IMMP2L: variants seen among roughly 807,000 people sequenced by gnomAD.
IMMP2L encodes the protein inner mitochondrial membrane peptidase subunit 2.
In IMMP2L, 18 loss-of-function variants were observed where a neutral mutation model predicts 19.3. That is an observed-to-expected ratio of 0.93 (90% confidence interval 0.64 to 1.38). The LOEUF (loss-of-function observed/expected upper bound fraction) is 1.38. IMMP2L is among the 40% of genes most tolerant of loss of function. The probability of loss-of-function intolerance (pLI) is 0.00; values close to 1 mark genes in which losing one functional copy is unlikely to be tolerated. For missense variants in IMMP2L, 233 were observed against 218.2 expected (o/e 1.07, Z -0.43); for synonymous variants, 76 against 73.0 (o/e 1.04, Z -0.21).
chr7:110,963,259 T>A (rs1474897580), intron 4 of IMMP2L, among the ~76,000 whole-genome samples: 1 of 151,984 alleles, frequency 6.6e-6, no homozygotes, highest in Non-Finnish European at 1.5e-5. Flanking sequence ...GACTATATGG[T>A]TAATTTAAAT....
chr7:111,333,699 T>C (rs1343543252), intron 3 of IMMP2L, among the ~76,000 whole-genome samples: 4 of 152,056 alleles, frequency 2.6e-5, no homozygotes, highest in Non-Finnish European at 5.9e-5. Flanking sequence ...GTAGCCAGAA[T>C]AAAAGCAGGC....
At chr7:111,392,057 C>T (rs1300333310) in intron 3 of IMMP2L, 4 of 696,578 alleles carry the variant, frequency 5.7e-6, no homozygotes, top group South Asian at 1.5e-5. Flanking sequence ...AGCTTGATTG[C>T]ATTTATATCC....
At chr7:110,918,989 T>C (rs149028948) in intron 4 of IMMP2L, among the ~76,000 whole-genome samples, 16 of 152,210 alleles carry the variant, frequency 1.1e-4, no homozygotes, top group East Asian at 1.9e-4. Flanking sequence ...CAAAAGATAA[T>C]TGAGTAGATT....
At chr7:110,920,131 T>C (rs2129550367) in intron 4 of IMMP2L, among the ~76,000 whole-genome samples, 1 of 152,282 alleles carries the variant, frequency 6.6e-6, no homozygotes, top group Admixed American at 6.5e-5. Context: ...TTTGAGGTTT[T>C]CGGACTCAGA....
intron 5 of IMMP2L, among the ~76,000 whole-genome samples, chr7:110,717,418 T>C (rs1784661851): frequency 6.6e-6 from 1 of 152,232 alleles, no homozygotes; most frequent in Non-Finnish European, 1.5e-5. Context: ...TGAGCTGAGA[T>C]TGCGCCACTG....
intron 3 of IMMP2L, among the ~76,000 whole-genome samples, chr7:111,212,326 C>G (rs929809155): frequency 1.3e-5 from 2 of 151,764 alleles, no homozygotes. Context: ...ACAATAATTA[C>G]GGCCGGATGC....
At chr7:110,945,201 T>A (rs1036655715) in intron 4 of IMMP2L, among the ~76,000 whole-genome samples, 1 of 151,978 alleles carries the variant, frequency 6.6e-6, no homozygotes, top group Non-Finnish European at 1.5e-5. Context: ...GGGCCGCATC[T>A]GCAGGGCTCC....
intron 5 of IMMP2L, among the ~76,000 whole-genome samples, chr7:110,753,056 C>G (rs1376234683): frequency 6.6e-6 from 1 of 152,054 alleles, no homozygotes; most frequent in Non-Finnish European, 1.5e-5. Flanking sequence ...GGAGTATAAG[C>G]TTTTCCTTTG....
intron 5 of IMMP2L, 35 bp downstream of exon 5, chr7:110,886,558 C>T: frequency 8.5e-7 from 1 of 1,180,336 alleles, no homozygotes; most frequent in Non-Finnish European, 1.3e-6. Context: ...CTTTGAAATC[C>T]AATTACATCA....
intron 5 of IMMP2L, among the ~76,000 whole-genome samples, chr7:110,764,893 A>G: frequency 6.6e-6 from 1 of 152,096 alleles, no homozygotes; most frequent in South Asian, 2.1e-4. Context: ...ATGTTATTAA[A>G]AACATTAAAA....
intron 3 of IMMP2L, among the ~76,000 whole-genome samples, chr7:111,147,789 CACAA>C (rs1803640742): frequency 6.6e-6 from 1 of 152,104 alleles, no homozygotes; most frequent in Non-Finnish European, 1.5e-5. Flanking sequence ...GCAACCAAAA[CACAA>C]ACAATTGTCA....
At chr7:110,923,903 A>G (rs1814562940) in intron 4 of IMMP2L, among the ~76,000 whole-genome samples, 1 of 152,152 alleles carries the variant, frequency 6.6e-6, no homozygotes, top group Non-Finnish European at 1.5e-5. Context: ...GTTATCTCAC[A>G]TTATAGCCTG....
chr7:110,907,578 G>C lies in IMMP2L; in HGVS notation c.306-20883C>G, dbSNP rs182418401. Among the ~76,000 whole-genome samples the C allele has an allele frequency of 2.2e-3, 342 of 152,122 alleles. 2 individuals carry two copies. Among genetic ancestry groups the C allele is most frequent in the Admixed American group, 6.2e-3 (95 of 15,294 alleles). On this transcript the variant is annotated intron_variant, in intron 4 of 5. Transcript: ENST00000405709. ...AAAACAGGATGTAAGTTCTCACTTT[G>C]GGCTGTGGTATCAGGCTTTGGGGCC...
intron 4 of IMMP2L, among the ~76,000 whole-genome samples, chr7:110,929,215 A>G (rs1001271225): frequency 2.6e-5 from 4 of 152,180 alleles, no homozygotes; most frequent in Non-Finnish European, 2.9e-5. Flanking sequence ...GTAGGACAAA[A>G]TCTTGGGAAT....
chr7:111,460,363 C>T (rs1270575988), intron 3 of IMMP2L, among the ~76,000 whole-genome samples: 1 of 151,934 alleles, frequency 6.6e-6, no homozygotes, highest in African/African-American at 2.4e-5. Flanking sequence ...ATTCCAAGAA[C>T]TAAAAGAAAA....
chr7:111,548,967 A>T (rs1849197479), intron 1 of IMMP2L, among the ~76,000 whole-genome samples: 1 of 152,186 alleles, frequency 6.6e-6, no homozygotes, highest in South Asian at 2.1e-4. Flanking sequence ...GAAGACTAAC[A>T]TCTCAAGCTG....
At chr7:110,900,041 GATA>G (rs1257515671) in intron 4 of IMMP2L, among the ~76,000 whole-genome samples, 2 of 152,094 alleles carry the variant, frequency 1.3e-5, no homozygotes, top group Non-Finnish European at 2.9e-5. Flanking sequence ...AATCATTTTT[GATA>G]ATGTTTTCAA....
chr7:110,715,133 G>A (rs888884466), intron 5 of IMMP2L, among the ~76,000 whole-genome samples: 4 of 152,016 alleles, frequency 2.6e-5, no homozygotes, highest in Non-Finnish European at 4.4e-5. Flanking sequence ...TGTTGTTTCC[G>A]ATTGTGCTTA....
At chr7:111,225,108 A>T (rs946243669) in intron 3 of IMMP2L, among the ~76,000 whole-genome samples, 2 of 152,148 alleles carry the variant, frequency 1.3e-5, no homozygotes, top group African/African-American at 4.8e-5. Context: ...GACAACTGAC[A>T]GATAAGCTAT....
Sources: allele counts gnomAD v4.1 joint callset (sites outside exome capture counted in the v4.1 genomes callset), GRCh38; gene constraint gnomAD v4.1.1; transcripts MANE v1.5; gene names NCBI Gene and HGNC (gene_info 2026-07-23, HGNC 2026-07-21).